Variants in FBXO25 observed in about 807,000 individuals in gnomAD.
The protein encoded by FBXO25 is F-box protein 25.
Under a neutral mutation model 51.9 loss-of-function variants are expected in FBXO25, and 45 were observed. The observed-to-expected ratio is 0.87, with a 90% CI of 0.68 to 1.11. The LOEUF is 1.11. Ranked by LOEUF, FBXO25 falls within the 50% of genes most tolerant of loss-of-function variation. The pLI is 0.00. For missense variants in FBXO25, 507 were observed against 428.5 expected (o/e 1.18, Z -1.62); for synonymous variants, 199 against 151.0 (o/e 1.32, Z -2.33).
At chr8:416,532 CAT>C (rs1479410021) in intron 2 of FBXO25, among the ~76,000 whole-genome samples, 2 of 152,156 alleles carry the variant, frequency 1.3e-5, no homozygotes, top group Admixed American at 6.5e-5. Context: ...GGGGTAGAGT[CAT>C]AGGGATTTTT....
chr8:462,482 G>C (rs1215276311), intron 8 of FBXO25, among the ~76,000 whole-genome samples: 2 of 152,064 alleles, frequency 1.3e-5, no homozygotes, highest in Non-Finnish European at 2.9e-5. Flanking sequence ...ACAGCTGCTT[G>C]GTATTCCATT....
intron 1 of FBXO25, among the ~76,000 whole-genome samples, chr8:408,698 G>T (rs983661419): frequency 6.6e-6 from 1 of 152,142 alleles, no homozygotes; most frequent in Non-Finnish European, 1.5e-5. Flanking sequence ...AGTCTCTCAT[G>T]CCAAGAGTTT....
intron 5 of FBXO25, among the ~76,000 whole-genome samples, chr8:436,204 T>C (rs1031488680): frequency 1.3e-4 from 20 of 152,360 alleles, no homozygotes; most frequent in African/African-American, 4.3e-4. Flanking sequence ...GAAGAAATTT[T>C]TATCTTGGGC....
intron 2 of FBXO25, among the ~76,000 whole-genome samples, chr8:414,785 G>C (rs1235607535): frequency 5.3e-5 from 8 of 152,138 alleles, no homozygotes; most frequent in African/African-American, 1.9e-4. Context: ...AGCAACGCTG[G>C]GTACCCTCTG....
chr8:411,744 G>T (rs1796494014), intron 1 of FBXO25, among the ~76,000 whole-genome samples: 2 of 152,122 alleles, frequency 1.3e-5, no homozygotes, highest in African/African-American at 2.4e-5. Flanking sequence ...GCTTAGACTG[G>T]TAGGGAGGGG....
chr8:458,573 C>G lies in FBXO25; in HGVS notation c.843+22C>G, dbSNP rs113529701. 8.7e-6 allele frequency: 14 copies of G among 1,611,168 alleles called. No homozygotes were observed. The African/African-American group carries it at 1.1e-4, about 12-fold the overall frequency. On this transcript the variant is annotated intron_variant, in intron 8 of 9. Coordinates refer to ENST00000350302, the MANE Select transcript of FBXO25 (RefSeq NM_183420.2). The stretch of plus-strand genomic sequence containing the variant: ...GCAGGTGAGTGGGATGCAGCAGTCT[C>G]CCCTCAGGCTGGGAGTTTATAGACT...
chr8:440,840 T>A (rs1443888969), intron 5 of FBXO25, among the ~76,000 whole-genome samples: 1 of 146,940 alleles, frequency 6.8e-6, no homozygotes, highest in Admixed American at 6.8e-5. Context: ...ATGTGGTGTT[T>A]GGTTTTCTGT....
At chr8:420,077 A>T (rs10113689) in intron 2 of FBXO25, among the ~76,000 whole-genome samples, 15,431 of 152,112 alleles carry the variant, frequency 0.1, 914 homozygotes, top group East Asian at 0.15. Context: ...AAATGCAAGC[A>T]ATCCGGAAGG....
In FBXO25 at chr8:467,873, GGA is replaced by G. The variant is rs2116859492; in HGVS notation, c.988-841_988-840del. The stretch of plus-strand genomic sequence containing the variant: ...GCTCTCGCTGACTTGAGCTTTCTCA[GGA>G]CCCTGAGCAGGGCTGAGTGGCCACT... On this transcript the variant is annotated intron_variant, in intron 9 of 9. Coordinates refer to ENST00000350302, the MANE Select transcript of FBXO25 (RefSeq NM_183420.2). 4.4e-6 allele frequency: 7 copies of G among 1,578,072 alleles called. No individual in the cohort carries two copies. The South Asian group carries it at 4.6e-5, about 10-fold the overall frequency.
intron 9 of FBXO25, among the ~76,000 whole-genome samples, chr8:465,405 T>C (rs1482230159): frequency 1.3e-5 from 2 of 152,226 alleles, no homozygotes; most frequent in African/African-American, 2.4e-5. Context: ...CAAGCAATGA[T>C]ACTTTTATAG....
chr8:452,956 G>A (rs78442274), intron 7 of FBXO25, among the ~76,000 whole-genome samples: 2 of 151,752 alleles, frequency 1.3e-5, no homozygotes, highest in Non-Finnish European at 2.9e-5. Context: ...GGAGAGGCAC[G>A]GGCTGAGGGA....
intron 9 of FBXO25, among the ~76,000 whole-genome samples, chr8:465,718 C>G (rs1800112931): frequency 6.6e-6 from 1 of 152,124 alleles, no homozygotes; most frequent in Non-Finnish European, 1.5e-5. Context: ...GTTTGTGTTA[C>G]TTAACATGTG....
At chr8:452,511 GCCACATGGCCAAA>G in intron 7 of FBXO25, among the ~76,000 whole-genome samples, 1 of 152,360 alleles carries the variant, frequency 6.6e-6, no homozygotes, top group East Asian at 1.9e-4. Context: ...GAGTGGCGAG[GCCACATGGCCAAA>G]GTCCCCTTTC....
chr8:438,158 G>A (rs1798211473), intron 5 of FBXO25, among the ~76,000 whole-genome samples: 1 of 151,900 alleles, frequency 6.6e-6, no homozygotes, highest in African/African-American at 2.4e-5. Context: ...GGGTTCCAGT[G>A]ATTCTCCTGC....
Position 474,242 on chromosome 8 carries a change from G to A in FBXO25, c.*5438G>A, listed in dbSNP as rs142285345. On this transcript the variant is annotated 3_prime_UTR_variant, in exon 10 of 10. Transcript: ENST00000350302. ...TTGTGACTGGCTTATTTCACTTAGC[G>A]TAATGTCCTCAAGGTTTATTCAAGT... 5.2e-4 allele frequency: 89 copies of A among 171,992 alleles called. No homozygotes were observed. The highest frequency in any genetic ancestry group is 1.7e-3 in the African/African-American group (71 of 41,816). 10.7% of individuals were successfully genotyped at this position (171,992 alleles called of 1,614,324 possible).
At chr8:463,941 A>G (rs1235846389) in intron 9 of FBXO25, among the ~76,000 whole-genome samples, 1 of 151,886 alleles carries the variant, frequency 6.6e-6, no homozygotes, top group Non-Finnish European at 1.5e-5. Flanking sequence ...GGCAGGTGCT[A>G]CCACACCCAG....
At chr8:438,059 C>CT (rs1416537152) in intron 5 of FBXO25, among the ~76,000 whole-genome samples, 2,064 of 142,686 alleles carry the variant, frequency 0.014, 33 homozygotes, top group African/African-American at 0.045. Flanking sequence ...TAATGTGTAT[C>CT]TTTTTTTTTT....
rs143036019 is a variant in FBXO25 at position 454,654 on chromosome 8, G to A, written c.660+3201G>A. ...CGCCAGTAGTCCCAGCACTTTGGGA[G>A]GCCGAGGTGGGCAGATCACAAGGTC... On this transcript the variant is annotated intron_variant, in intron 7 of 9. Coordinates refer to ENST00000350302, the MANE Select transcript of FBXO25 (RefSeq NM_183420.2). 2.6e-3 allele frequency among the ~76,000 whole-genome samples: 403 copies of A among 152,260 alleles called. 1 individual carries two copies. The highest frequency in any genetic ancestry group is 9.2e-3 in the African/African-American group (382 of 41,548).
intron 4 of FBXO25, among the ~76,000 whole-genome samples, chr8:433,467 C>T (rs1007674725): frequency 5.3e-5 from 8 of 152,138 alleles, no homozygotes; most frequent in Admixed American, 3.9e-4. Context: ...TCTGTGAGCC[C>T]TCTCATTCCA....
Sources: allele counts gnomAD v4.1 joint callset (sites outside exome capture counted in the v4.1 genomes callset), GRCh38; gene constraint gnomAD v4.1.1; transcripts MANE v1.5; gene names NCBI Gene and HGNC (gene_info 2026-07-23, HGNC 2026-07-21).